The following ARHGEF18 variants were observed in gnomAD, a reference collection of about 807,000 sequenced individuals.
The protein encoded by ARHGEF18 is rho guanine nucleotide exchange factor 18.
ARHGEF18 carries 93 observed loss-of-function variants against 155.7 expected under a neutral mutation model. The ratio of observed to expected loss-of-function variants is 0.60; its 90% CI spans 0.50 to 0.71. ARHGEF18 has a LOEUF of 0.71. ARHGEF18 is among the 30% of genes least tolerant of loss of function. ARHGEF18 has a pLI of 0.00. For missense variants in ARHGEF18, 1,593 were observed against 1,816.1 expected, an observed-to-expected ratio of 0.88 and a Z score of 2.23; for synonymous variants, 742 against 753.1, an observed-to-expected ratio of 0.99 and a Z score of 0.24.
intron 17 of ARHGEF18, among the ~76,000 whole-genome samples, chr19:7,455,620 C>T (rs1016085037): frequency 1.3e-5 from 2 of 152,170 alleles, no homozygotes; most frequent in Non-Finnish European, 2.9e-5. Flanking sequence ...GCTCCGTTCA[C>T]ATCTGAGACA....
Position 7,367,898 on chromosome 19 carries a change from T to TTATATATATATTTTA in ARHGEF18, c.16-4903_16-4902insTTTATATATATATAT, listed in dbSNP as rs1969998881. On this transcript the variant is annotated intron_variant, in intron 2 of 28. Coordinates refer to ENST00000668164, the MANE Select transcript of ARHGEF18 (RefSeq NM_001367823.1). ...TATATATATATTTTATATATATTTT[T>TTATATATATATTTTA]TATATATATATATTTTATATATATA... 1.0e-4 allele frequency among the ~76,000 whole-genome samples: 6 copies of TTATATATATATTTTA among 59,666 alleles called. 2 individuals carry two copies. The highest frequency in any genetic ancestry group is 1.2e-4 in the Non-Finnish European group (4 of 32,474). 39.1% of individuals were successfully genotyped at this position (59,666 alleles called of 152,430 possible). A position where few individuals can be genotyped will look rare whatever the true frequency, so the allele number is the denominator to read the frequency against.
intron 15 of ARHGEF18, among the ~76,000 whole-genome samples, chr19:7,448,365 A>C (rs1202547188): frequency 6.6e-6 from 1 of 152,186 alleles, no homozygotes. Context: ...AAATACAAAA[A>C]ATTAGCCAGG....
intron 10 of ARHGEF18, among the ~76,000 whole-genome samples, chr19:7,408,052 G>A (rs1001381941): frequency 2.0e-5 from 3 of 151,466 alleles, no homozygotes; most frequent in African/African-American, 4.8e-5. Flanking sequence ...GCAGAGGTGG[G>A]CAGATCACTT....
At chr19:7,380,214 C>G (rs561274235) in intron 7 of ARHGEF18, among the ~76,000 whole-genome samples, 3 of 151,588 alleles carry the variant, frequency 2.0e-5, no homozygotes, top group African/African-American at 7.3e-5. Context: ...CGCAGTGGCT[C>G]ACACCTGTAA....
intron 22 of ARHGEF18, 143 bp downstream of exon 22, chr19:7,464,098 C>T (rs899688177): frequency 2.2e-5 from 27 of 1,223,028 alleles, no homozygotes; most frequent in Admixed American, 1.2e-4. Flanking sequence ...AGTGCAGTGG[C>T]GCAATCTCAG....
chr19:7,445,797 A>G (rs1262667137), intron 14 of ARHGEF18, among the ~76,000 whole-genome samples: 1 of 151,386 alleles, frequency 6.6e-6, no homozygotes, highest in East Asian at 1.9e-4. Flanking sequence ...TTTTTTTTGT[A>G]TTTTTAGTAG....
intron 15 of ARHGEF18, among the ~76,000 whole-genome samples, chr19:7,447,991 C>T (rs1264077515): frequency 6.6e-6 from 1 of 152,200 alleles, no homozygotes. Context: ...TGTATACACA[C>T]ACACATATTA....
At chr19:7,461,277 G>A (rs1334011046) in intron 20 of ARHGEF18, among the ~76,000 whole-genome samples, 6 of 151,994 alleles carry the variant, frequency 3.9e-5, no homozygotes, top group South Asian at 2.1e-4. Flanking sequence ...GGCTGGGTGC[G>A]GTGGCTCACG....
chr19:7,464,985 C>G (rs1235708031), intron 23 of ARHGEF18, among the ~76,000 whole-genome samples: 1 of 152,222 alleles, frequency 6.6e-6, no homozygotes, highest in Non-Finnish European at 1.5e-5. Flanking sequence ...GGACCACCAG[C>G]TTTCAGCCGG....
At chr19:7,451,667 G>A (rs150738997) in intron 16 of ARHGEF18, among the ~76,000 whole-genome samples, 22 of 151,836 alleles carry the variant, frequency 1.4e-4, no homozygotes, top group African/African-American at 4.8e-4. Flanking sequence ...CTCCCACCTC[G>A]GTCTCTCCAA....
intron 1 of ARHGEF18, among the ~76,000 whole-genome samples, chr19:7,361,991 G>GGAAGAAGAAGAAGAAGAAGAGGAA (rs1568264114): frequency 0.016 from 1,271 of 79,072 alleles, 151 homozygotes; most frequent in South Asian, 0.027. Context: ...AAGACTCTGT[G>GGAAGAAGAAGAAGAAGAAGAGGAA]GAAGAAGAAG....
chr19:7,364,736 C>T (rs1325160441), intron 2 of ARHGEF18, among the ~76,000 whole-genome samples: 1 of 152,040 alleles, frequency 6.6e-6, no homozygotes. Context: ...GGAAGGTCTC[C>T]TGGGGTGGAA....
chr19:7,448,732 C>T (rs1044594761), intron 15 of ARHGEF18, among the ~76,000 whole-genome samples: 4 of 152,076 alleles, frequency 2.6e-5, no homozygotes, highest in East Asian at 3.9e-4. Context: ...TGTTCGCCCC[C>T]GGAGCGTGTA....
At chr19:7,464,452 G>A (rs1236439649) in intron 22 of ARHGEF18, 108 bp from the exon 23 acceptor site, 25 of 1,396,900 alleles carry the variant, frequency 1.8e-5, no homozygotes, top group African/African-American at 5.8e-5. Flanking sequence ...GCCACCATTC[G>A]GGCCTAGCCT....
chr19:7,468,692 G>C, intron 26 of ARHGEF18, 133 bp from the exon 27 acceptor site: 1 of 1,003,648 alleles, frequency 1.0e-6, no homozygotes, highest in Non-Finnish European at 1.4e-6. Flanking sequence ...ATGACCAGCA[G>C]CTCCTTCAGG....
rs536425959 is a variant in ARHGEF18 at position 7,454,967 on chromosome 19, C to T, written c.2104+1252C>T. 5.9e-5 allele frequency among the ~76,000 whole-genome samples: 9 copies of T among 152,250 alleles called. No homozygotes were observed. The South Asian group carries it at 1.5e-3, about 25-fold the overall frequency. On this transcript the variant is annotated intron_variant, in intron 17 of 28. Coordinates refer to ENST00000668164, the MANE Select transcript of ARHGEF18 (RefSeq NM_001367823.1). ...CCCACTCGCTGCCCAGGGTGTGCTC[C>T]GAGCCCTACTTTCAAGACCCATGTT...
intron 10 of ARHGEF18, among the ~76,000 whole-genome samples, chr19:7,425,697 A>G (rs1018842832): frequency 1.3e-5 from 2 of 149,704 alleles, no homozygotes; most frequent in Non-Finnish European, 3.0e-5. Context: ...AAAAAAAAAA[A>G]GCTTATTAAG....
chr19:7,440,272 G>A lies in ARHGEF18; in HGVS notation c.968-72G>A, dbSNP rs545780094. 19 of 1,561,528 alleles carry A rather than the reference G, an allele frequency of 1.2e-5. No homozygotes were observed. Among genetic ancestry groups the A allele is most frequent in the African/African-American group, 2.7e-5 (2 of 73,526 alleles). ...GTGCTGCGGCCGCAGTCGGAGCGGG[G>A]CTTCCGCGCCGGGGACCTCCGCTAC... On this transcript the variant is annotated intron_variant, in intron 10 of 28. Coordinates refer to ENST00000668164, the MANE Select transcript of ARHGEF18 (RefSeq NM_001367823.1). This position sits in a 1 kb window ranked among gnomAD's most constrained non-coding sequence, Gnocchi z 5.4.
chr19:7,388,225 T>C (rs938491398), intron 10 of ARHGEF18, among the ~76,000 whole-genome samples: 6 of 152,010 alleles, frequency 3.9e-5, no homozygotes, highest in African/African-American at 1.4e-4. Context: ...ACTTACACTA[T>C]CCCAAGCACT....
Sources: allele counts gnomAD v4.1 joint callset (sites outside exome capture counted in the v4.1 genomes callset), GRCh38; gene constraint gnomAD v4.1.1; non-coding constraint Gnocchi (gnomAD v3.1); transcripts MANE v1.5; gene names NCBI Gene and HGNC (gene_info 2026-07-23, HGNC 2026-07-21).